CUX1: variants seen among roughly 807,000 people sequenced by gnomAD.
The protein encoded by CUX1 is protein CASP.
CUX1 carries 31 observed loss-of-function variants against 158.8 expected under a neutral mutation model. The observed-to-expected ratio is 0.20, with a 90% CI of 0.15 to 0.26. CUX1 has a LOEUF of 0.26. Among genes scored for constraint, CUX1 ranks in the 10% least tolerant of loss-of-function variants. CUX1 has a pLI of 1.00. For synonymous variants in CUX1, 879 were observed against 862.1 expected (o/e 1.02, Z -0.34); for missense variants, 1,589 against 2,014.6 (o/e 0.79, Z 4.04).
intron 2 of CUX1, among the ~76,000 whole-genome samples, chr7:101,958,207 G>T (rs887416984): frequency 2.0e-5 from 3 of 152,160 alleles, no homozygotes; most frequent in African/African-American, 4.8e-5. Flanking sequence ...ACCCAAAGGT[G>T]GGAAGGGGCA....
intron 1 of CUX1, among the ~76,000 whole-genome samples, chr7:101,882,290 G>A (rs915121655): frequency 6.6e-6 from 1 of 152,144 alleles, no homozygotes; most frequent in East Asian, 1.9e-4. Context: ...AGGGAATTTC[G>A]TGACCAGTCA....
chr7:102,060,015 C>T (rs1443777793), intron 3 of CUX1, among the ~76,000 whole-genome samples: 1 of 152,092 alleles, frequency 6.6e-6, no homozygotes, highest in East Asian at 1.9e-4. Flanking sequence ...GTGGCTCACG[C>T]CTGTAATCCC....
At position 101,848,069 on chromosome 7, in the gene CUX1, A is replaced by G. The variant is rs1296395093; in HGVS notation, c.30+30400A>G. Among the ~76,000 whole-genome samples, 14 of 150,944 alleles carry G rather than the reference A, an allele frequency of 9.3e-5. No individual in the cohort carries two copies. In the East Asian group the frequency reaches 1.2e-3, roughly 13 times the overall value. On this transcript the variant is annotated intron_variant, in intron 1 of 23. Transcript: ENST00000292535. ...CAAGACTCAAAAAAAAAAAAAAAAA[A>G]AAAAAAGAAAAGAAAAAATAAACTG...
At chr7:102,130,862 C>T (rs912321120) in intron 8 of CUX1, among the ~76,000 whole-genome samples, 4 of 151,880 alleles carry the variant, frequency 2.6e-5, no homozygotes, top group Admixed American at 6.6e-5. Context: ...AAAAAAATCT[C>T]TGCAGGCTGG....
intron 2 of CUX1, among the ~76,000 whole-genome samples, chr7:101,993,546 A>C (rs1815425728): frequency 6.6e-6 from 1 of 152,090 alleles, no homozygotes; most frequent in Non-Finnish European, 1.5e-5. Context: ...CTGATGCAGG[A>C]ATAAAGCAAA....
intron 1 of CUX1, among the ~76,000 whole-genome samples, chr7:101,862,828 G>A (rs544565114): frequency 5.3e-5 from 8 of 151,934 alleles, no homozygotes; most frequent in Non-Finnish European, 7.4e-5. Flanking sequence ...ATAAAGACCC[G>A]TATTACTAAA....
intron 2 of CUX1, among the ~76,000 whole-genome samples, chr7:101,994,047 G>A (rs188543113): frequency 9.2e-5 from 14 of 152,212 alleles, no homozygotes; most frequent in South Asian, 2.1e-4. Context: ...CCCTAACCCC[G>A]GTAGTGGCCA....
chr7:102,230,000 G>A (rs1334551627), intron 21 of CUX1, among the ~76,000 whole-genome samples: 5 of 152,170 alleles, frequency 3.3e-5, no homozygotes, highest in Non-Finnish European at 4.4e-5. Context: ...TTAGGCACGC[G>A]GAGATTGGAA....
chr7:101,994,218 C>G (rs1008470905), intron 2 of CUX1, among the ~76,000 whole-genome samples: 5 of 152,212 alleles, frequency 3.3e-5, no homozygotes, highest in African/African-American at 1.2e-4. Context: ...CAGTTGCCAC[C>G]GTTATTTCTC....
At chr7:102,064,916 G>A (rs1303798557) in intron 3 of CUX1, among the ~76,000 whole-genome samples, 1 of 152,206 alleles carries the variant, frequency 6.6e-6, no homozygotes, top group African/African-American at 2.4e-5. Flanking sequence ...TTGCAGCATA[G>A]ATAGGTTTTG....
intron 3 of CUX1, among the ~76,000 whole-genome samples, chr7:102,067,408 T>A (rs1825666400): frequency 6.6e-6 from 1 of 151,798 alleles, no homozygotes; most frequent in African/African-American, 2.4e-5. Context: ...CGGCTAATTT[T>A]TATATTTTTA....
At chr7:102,046,781 A>G (rs888689962) in intron 3 of CUX1, among the ~76,000 whole-genome samples, 7 of 151,530 alleles carry the variant, frequency 4.6e-5, no homozygotes, top group Non-Finnish European at 8.8e-5. Flanking sequence ...AGGGCTTGCT[A>G]CGTTGCCCAA....
chr7:102,170,821 C>T (rs797029463), intron 10 of CUX1, among the ~76,000 whole-genome samples: 22 of 152,270 alleles, frequency 1.4e-4, no homozygotes, highest in African/African-American at 5.1e-4. Flanking sequence ...CAGTCACAGA[C>T]ACAGTCACGA....
chr7:101,920,009 C>T (rs907127508), intron 2 of CUX1, among the ~76,000 whole-genome samples: 1 of 152,224 alleles, frequency 6.6e-6, no homozygotes, highest in African/African-American at 2.4e-5. Context: ...CTCACTACAG[C>T]CTCCAACTCC....
Position 102,170,523 on chromosome 7 carries a change from C to G in CUX1, c.801C>G (p.Ala267=). The G allele has an allele frequency of 6.3e-7, 1 of 1,586,380 alleles. No individual in the cohort carries two copies. Among genetic ancestry groups the G allele is most frequent in the South Asian group, 1.2e-5 (1 of 86,598 alleles). ...CGGCCAATCACTCCCTCCAGCTGGCCTCACAGATCCAGAAGGCACCAGACG... is the reference window on the plus strand; with the variant it reads ...CGGCCAATCACTCCCTCCAGCTGGCGTCACAGATCCAGAAGGCACCAGACG... The part of the protein sequence containing the change: ...LSSANHSLQL[A]SQIQKAPDVE... The change falls in exon 10 of 24, where the codon GCC becomes GCG. Residue 267 remains alanine, a synonymous_variant. Coordinates refer to ENST00000292535, the MANE Select transcript of CUX1 (RefSeq NM_181552.4).
intron 21 of CUX1, among the ~76,000 whole-genome samples, chr7:102,230,543 G>A (rs1223926481): frequency 6.6e-6 from 1 of 151,350 alleles, no homozygotes; most frequent in Non-Finnish European, 1.5e-5. Flanking sequence ...ACTAAAGTTT[G>A]CTCAGTGATC....
chr7:101,817,686 C>T lies in CUX1; in HGVS notation c.30+17C>T, dbSNP rs1276496770. 3.2e-6 allele frequency: 5 copies of T among 1,549,488 alleles called. No individual in the cohort carries two copies. The highest frequency in any genetic ancestry group is 4.4e-6 in the Non-Finnish European group (5 of 1,146,696). ...AGGTTGAAGGTGAGCGGCGTGTGGG[C>T]CAGAAGTCCCGAGGTTGCAGGCGCG... On this transcript the variant is annotated intron_variant, in intron 1 of 23. Coordinates refer to ENST00000292535, the MANE Select transcript of CUX1 (RefSeq NM_181552.4). This position sits in a 1 kb window ranked among gnomAD's most constrained non-coding sequence, Gnocchi z 4.1.
intron 2 of CUX1, among the ~76,000 whole-genome samples, chr7:101,973,526 A>G (rs1382215705): frequency 6.6e-6 from 1 of 152,202 alleles, no homozygotes; most frequent in Non-Finnish European, 1.5e-5. Flanking sequence ...AGTTATGCAT[A>G]TAGAAAAATG....
chr7:101,855,326 C>T (rs970666775), intron 1 of CUX1, among the ~76,000 whole-genome samples: 1 of 152,166 alleles, frequency 6.6e-6, no homozygotes, highest in Admixed American at 6.5e-5. Flanking sequence ...GCCCGGTGGC[C>T]TTGCCTGCCA....
Sources: gnomAD v4.1 joint callset for allele counts (sites outside exome capture counted in the v4.1 genomes callset) on GRCh38, gnomAD v4.1.1 for gene constraint, Gnocchi (gnomAD v3.1) non-coding constraint, MANE v1.5 for transcripts, NCBI Gene and HGNC (gene_info 2026-07-23, HGNC 2026-07-21) for gene names.